The following CTNNA3 variants were observed in gnomAD, a reference collection of about 807,000 sequenced individuals.
CTNNA3 encodes the protein catenin alpha-3.
A neutral mutation model predicts 95.7 loss-of-function variants in CTNNA3; 76 were observed. That is an observed-to-expected ratio of 0.79 (90% confidence interval 0.66 to 0.96). The LOEUF (loss-of-function observed/expected upper bound fraction) is 0.96. Ranked by LOEUF, CTNNA3 falls within the 40% of genes least tolerant of loss-of-function variation. CTNNA3 has a pLI of 0.00. For synonymous variants in CTNNA3, 431 were observed against 374.4 expected, an observed-to-expected ratio of 1.15 and a Z score of -1.74; for missense variants, 1,191 against 1,089.8, an observed-to-expected ratio of 1.09 and a Z score of -1.31.
rs140907744 is a variant in CTNNA3, at chr10:66,766,282, G to A, written c.1263C>T (p.His421=). 49 of 1,613,672 alleles carry A rather than the reference G, an allele frequency of 3.0e-5. No individual in the cohort carries two copies. Among genetic ancestry groups the A allele is most frequent in the Non-Finnish European group, 3.9e-5 (46 of 1,179,832 alleles). Residue 421 remains histidine (H), a synonymous_variant, in exon 9 of 18, where the codon CAC becomes CAT. Transcript: ENST00000433211. ...IKEYAAIFHE[H]TSRLVEVANL... is the part of the protein sequence containing the mutation. Reference sequence around the variant, plus strand: ...TGCTTACCTCTACAAGCCTGCTGGTGTGTTCATGAAATATCGCAGCATATT... The same window carrying A: ...TGCTTACCTCTACAAGCCTGCTGGTATGTTCATGAAATATCGCAGCATATT...
chr10:66,812,537 G>A (rs923629410), intron 7 of CTNNA3, among the ~76,000 whole-genome samples: 21 of 152,004 alleles, frequency 1.4e-4, no homozygotes, highest in African/African-American at 4.3e-4. Context: ...CACGACTTTC[G>A]GTATGTTATT....
At chr10:67,110,216 A>C (rs1227694559) in intron 7 of CTNNA3, among the ~76,000 whole-genome samples, 2 of 152,182 alleles carry the variant, frequency 1.3e-5, no homozygotes, top group Non-Finnish European at 2.9e-5. Flanking sequence ...GAATGTTTTG[A>C]ATTTATTTTT....
At chr10:66,801,665 C>A (rs144350222) in intron 7 of CTNNA3, among the ~76,000 whole-genome samples, 3 of 151,470 alleles carry the variant, frequency 2.0e-5, no homozygotes, top group South Asian at 2.1e-4. Flanking sequence ...AATATTGTTA[C>A]GTTTTCCAAT....
intron 7 of CTNNA3, among the ~76,000 whole-genome samples, chr10:66,781,001 C>T: frequency 7.1e-6 from 1 of 141,610 alleles, no homozygotes; most frequent in East Asian, 2.5e-4. Flanking sequence ...GAAAATATGT[C>T]AAAACATGTG....
At chr10:66,831,745 G>A (rs552388951) in intron 7 of CTNNA3, among the ~76,000 whole-genome samples, 1 of 150,680 alleles carries the variant, frequency 6.6e-6, no homozygotes, top group Non-Finnish European at 1.5e-5. Context: ...AGAGGAAAGG[G>A]AAAGAGGGAA....
At chr10:66,680,402 A>G (rs374848182) in intron 9 of CTNNA3, among the ~76,000 whole-genome samples, 26 of 152,096 alleles carry the variant, frequency 1.7e-4, no homozygotes, top group African/African-American at 5.8e-4. Flanking sequence ...ATATCCATCA[A>G]TGTAAGGTGA....
Position 66,317,681 on chromosome 10 carries a change from A to T in CTNNA3, c.1733-37060T>A, listed in dbSNP as rs558491934. Among the ~76,000 whole-genome samples, 16 of 120,116 alleles carry T rather than the reference A, an allele frequency of 1.3e-4. 1 individual carries two copies. The highest frequency in any genetic ancestry group is 8.4e-4 in the Admixed American group (10 of 11,836). The allele number at this position is 120,116 out of a possible 152,430, so 78.8% of individuals were successfully genotyped here. Reference sequence around the variant, plus strand: ...GTGCAAGACTCTGTCTCAAAAAATTAAAAAAAATTTAAAATGAGAAAAGAA... The same window carrying T: ...GTGCAAGACTCTGTCTCAAAAAATTTAAAAAAATTTAAAATGAGAAAAGAA... On this transcript the variant is annotated intron_variant, in intron 12 of 17. Coordinates refer to ENST00000433211, the MANE Select transcript of CTNNA3 (RefSeq NM_013266.4).
At chr10:67,427,469 C>A (rs545753182) in intron 5 of CTNNA3, among the ~76,000 whole-genome samples, 1 of 151,932 alleles carries the variant, frequency 6.6e-6, no homozygotes, top group African/African-American at 2.4e-5. Context: ...AAAATTATGT[C>A]ATGTTTTGGC....
chr10:66,565,462 AGAAGT>A (rs1259096157), intron 10 of CTNNA3, among the ~76,000 whole-genome samples: 2 of 152,200 alleles, frequency 1.3e-5, no homozygotes, highest in African/African-American at 2.4e-5. Flanking sequence ...AGCTGCACTT[AGAAGT>A]AATACGTGAG....
intron 17 of CTNNA3, among the ~76,000 whole-genome samples, chr10:65,938,890 C>CT (rs35971028): frequency 0.16 from 23,062 of 145,192 alleles, 2,142 homozygotes; most frequent in South Asian, 0.24. Context: ...AAGAGTTTTC[C>CT]TTTTTTTTTT....
intron 12 of CTNNA3, among the ~76,000 whole-genome samples, chr10:66,323,055 T>G (rs1254310646): frequency 1.3e-5 from 2 of 151,924 alleles, no homozygotes; most frequent in Non-Finnish European, 2.9e-5. Context: ...TTATTTGGCT[T>G]ATGGGTATCT....
intron 13 of CTNNA3, among the ~76,000 whole-genome samples, chr10:66,254,559 T>C (rs1479439125): frequency 6.6e-6 from 1 of 152,142 alleles, no homozygotes; most frequent in Non-Finnish European, 1.5e-5. Flanking sequence ...CAGCATGCTT[T>C]CTATCTAATA....
chr10:66,600,869 C>T (rs1037113830), intron 10 of CTNNA3, among the ~76,000 whole-genome samples: 2 of 151,794 alleles, frequency 1.3e-5, no homozygotes, highest in African/African-American at 2.4e-5. Flanking sequence ...ACGTCTTTTA[C>T]AGCAAGGGGT....
At chr10:65,941,438 T>G (rs1190859117) in intron 17 of CTNNA3, among the ~76,000 whole-genome samples, 1 of 152,188 alleles carries the variant, frequency 6.6e-6, no homozygotes, top group African/African-American at 2.4e-5. Context: ...AATAAGAAAA[T>G]GCGTTCAATA....
chr10:67,693,956 C>T (rs1840916105), intron 1 of CTNNA3, among the ~76,000 whole-genome samples: 1 of 152,164 alleles, frequency 6.6e-6, no homozygotes. Context: ...GCCCTCTATC[C>T]CTTTTCTTTC....
chr10:66,921,947 A>G (rs7911919), intron 7 of CTNNA3, among the ~76,000 whole-genome samples: 6,721 of 152,246 alleles, frequency 0.044, 224 homozygotes, highest in African/African-American at 0.11. Context: ...TCTGAAGTCA[A>G]CAACTGTTAA....
intron 7 of CTNNA3, among the ~76,000 whole-genome samples, chr10:66,934,662 T>A (rs1847590603): frequency 6.6e-6 from 1 of 152,256 alleles, no homozygotes; most frequent in African/African-American, 2.4e-5. Context: ...AAACAAAGTA[T>A]AGGACTTTAT....
intron 3 of CTNNA3, among the ~76,000 whole-genome samples, chr10:67,556,208 A>G (rs1465448632): frequency 1.3e-5 from 2 of 152,150 alleles, no homozygotes; most frequent in African/African-American, 4.8e-5. Flanking sequence ...TATTGGCCTA[A>G]AATCCTCTTT....
At chr10:67,039,155 T>A (rs1854246327) in intron 7 of CTNNA3, among the ~76,000 whole-genome samples, 1 of 152,120 alleles carries the variant, frequency 6.6e-6, no homozygotes, top group Non-Finnish European at 1.5e-5. Context: ...AACCATAAGC[T>A]ATACTGTTAC....
Sources: allele counts gnomAD v4.1 joint callset (sites outside exome capture counted in the v4.1 genomes callset), GRCh38; gene constraint gnomAD v4.1.1; transcripts MANE v1.5; gene names NCBI Gene and HGNC (gene_info 2026-07-23, HGNC 2026-07-21).